ZDHHC6: variants seen among roughly 807,000 people sequenced by gnomAD.
ZDHHC6 encodes the protein palmitoyltransferase ZDHHC6.
ZDHHC6 carries 32 observed loss-of-function variants against 57.8 expected under a neutral mutation model. That is an observed-to-expected ratio of 0.55 (90% CI 0.42 to 0.74). ZDHHC6 has a LOEUF of 0.74. ZDHHC6 is among the 30% of genes least tolerant of loss of function. The probability of loss-of-function intolerance (pLI) is 0.00; values close to 1 mark genes in which losing one functional copy is unlikely to be tolerated. For synonymous variants in ZDHHC6, 128 were observed against 158.0 expected (o/e 0.81, Z 1.42); for missense variants, 433 against 500.7 (o/e 0.86, Z 1.29).
At chr10:112,443,823 C>T (rs950454569) in intron 2 of ZDHHC6, among the ~76,000 whole-genome samples, 1 of 152,128 alleles carries the variant, frequency 6.6e-6, no homozygotes, top group Non-Finnish European at 1.5e-5. Flanking sequence ...AATTTTTCTT[C>T]CTTGTGCTCC....
At chr10:112,430,978 C>A in intron 10 of ZDHHC6, 71 bp from the exon 11 acceptor site, 1 of 1,233,412 alleles carries the variant, frequency 8.1e-7, no homozygotes, top group Non-Finnish European at 1.2e-6. Flanking sequence ...AGCAGTAAGT[C>A]CTATTACTTC....
At chr10:112,447,511 G>C, upstream of ZDHHC6, 1 of 1,599,772 alleles carries the variant, frequency 6.3e-7, no homozygotes, top group East Asian at 2.3e-5. Flanking sequence ...GGGAGAGCTG[G>C]GAGGGTGCGG....
At chr10:112,434,225 CTT>C (rs1344622069) in intron 7 of ZDHHC6, 70 bp downstream of exon 7, 2 of 1,411,392 alleles carry the variant, frequency 1.4e-6, no homozygotes, top group Admixed American at 2.4e-5. Flanking sequence ...CAAAATGTCA[CTT>C]GAGTTGAGGG....
intron 10 of ZDHHC6, among the ~76,000 whole-genome samples, 177 bp from the exon 11 acceptor site, chr10:112,431,084 A>T (rs1435984064): frequency 2.0e-5 from 3 of 152,214 alleles, no homozygotes; most frequent in African/African-American, 4.8e-5. Flanking sequence ...TTAAATGTTC[A>T]TAACAAGCTA....
chr10:112,436,471 G>A (rs914432576), intron 6 of ZDHHC6, among the ~76,000 whole-genome samples: 6 of 152,154 alleles, frequency 3.9e-5, no homozygotes, highest in African/African-American at 9.7e-5. Flanking sequence ...GCGAGACTCC[G>A]TCGCCAGAAA....
At chr10:112,441,332 TGCTATTCTACATC>T (rs1463133445) in intron 4 of ZDHHC6, among the ~76,000 whole-genome samples, 7 of 152,216 alleles carry the variant, frequency 4.6e-5, no homozygotes, top group Non-Finnish European at 8.8e-5. Context: ...TCTCTTCTCT[TGCTATTCTACATC>T]GCAGTATTCT....
intron 6 of ZDHHC6, among the ~76,000 whole-genome samples, chr10:112,437,665 ATTC>A (rs1300432044): frequency 6.6e-6 from 1 of 152,190 alleles, no homozygotes; most frequent in African/African-American, 2.4e-5. Context: ...AAACGATGCT[ATTC>A]TTCTCCCTAT....
chr10:112,445,668 G>T lies in ZDHHC6; in HGVS notation c.-214-18C>A. The T allele has an allele frequency of 5.6e-6, 3 of 540,422 alleles. No individual in the cohort carries two copies. The highest frequency in any genetic ancestry group is 9.7e-6 in the Non-Finnish European group (3 of 309,604). 33.5% of individuals were successfully genotyped at this position (540,422 alleles called of 1,614,324 possible). A position where few individuals can be genotyped will look rare whatever the true frequency, so the allele number is the denominator to read the frequency against. ...AACCCAACCTAAAGAAAACAAAATGGGAAAGTTCAGTTAAAACAAAACAAA... is the reference window on the plus strand; with the variant it reads ...AACCCAACCTAAAGAAAACAAAATGTGAAAGTTCAGTTAAAACAAAACAAA... On this transcript the variant is annotated intron_variant, in intron 1 of 10. Transcript: ENST00000369405.
downstream of ZDHHC6, chr10:112,426,413 G>A: frequency 1.4e-6 from 2 of 1,470,382 alleles, no homozygotes; most frequent in African/African-American, 1.4e-5. Context: ...TCGTGGAGGA[G>A]AGGATGCCTC....
upstream of ZDHHC6, chr10:112,447,321 A>G: frequency 6.3e-7 from 1 of 1,575,990 alleles, no homozygotes; most frequent in Middle Eastern, 2.0e-4. Flanking sequence ...CTGCCCCTCG[A>G]GGCCCTTTCC....
At chr10:112,432,546 C>T (rs1411334131) in intron 8 of ZDHHC6, 25 bp from the exon 9 acceptor site, 1 of 1,597,492 alleles carries the variant, frequency 6.3e-7, no homozygotes, top group East Asian at 2.2e-5. Flanking sequence ...CAGAAGAAAC[C>T]TTTAAATATT....
rs771933671 is a variant in ZDHHC6, at chr10:112,434,259, A to G, written c.903+38T>C. Reference sequence around the variant, plus strand: ...AGGGGGAGTTAAGGGAAAGAAGGCGAGGCAAAAAGGAAGGGCTATTTGAAC... The same window carrying G: ...AGGGGGAGTTAAGGGAAAGAAGGCGGGGCAAAAAGGAAGGGCTATTTGAAC... On this transcript the variant is annotated intron_variant, in intron 7 of 10. Transcript: ENST00000369405. 2.7e-6 allele frequency: 4 copies of G among 1,500,264 alleles called. No homozygotes were observed. The South Asian group carries it at 5.6e-5, about 21-fold the overall frequency. The allele number at this position is 1,500,264 out of a possible 1,614,324, so 92.9% of individuals were successfully genotyped here.
chr10:112,432,361 C>T lies in ZDHHC6; in HGVS notation c.1091+15G>A. 6.2e-7 allele frequency: 1 copy of T among 1,611,384 alleles called. No individual in the cohort carries two copies. Among genetic ancestry groups the T allele is most frequent in the Non-Finnish European group, 8.5e-7 (1 of 1,179,344 alleles). ...TTGTCCTTGAAGAAGAAATGCAGTA[C>T]TTCCTATTACTTACCGTAAACCTCT... On this transcript the variant is annotated intron_variant, in intron 9 of 10. Transcript: ENST00000369405.
rs958208404 is a variant in ZDHHC6, at chr10:112,440,236, G to A, written c.681+298C>T. ...GAAAACAGTAAGACTCCTCTATTGGGGTGGATGTGAAGAGCAAGAGAGACT... is the reference window on the plus strand; with the variant it reads ...GAAAACAGTAAGACTCCTCTATTGGAGTGGATGTGAAGAGCAAGAGAGACT... On this transcript the variant is annotated intron_variant, in intron 5 of 10. Coordinates refer to ENST00000369405, the MANE Select transcript of ZDHHC6 (RefSeq NM_022494.3). Among the ~76,000 whole-genome samples, 9 of 152,124 alleles carry A rather than the reference G, an allele frequency of 5.9e-5. 1 individual carries two copies. The highest frequency in any genetic ancestry group is 2.2e-4 in the African/African-American group (9 of 41,424).
At chr10:112,441,247 G>C (rs956483420) in intron 4 of ZDHHC6, among the ~76,000 whole-genome samples, 4 of 152,198 alleles carry the variant, frequency 2.6e-5, no homozygotes, top group African/African-American at 9.7e-5. Flanking sequence ...TCCTCAGAAA[G>C]TGTCAAGGAG....
intron 10 of ZDHHC6, among the ~76,000 whole-genome samples, chr10:112,431,168 CA>C (rs1844988455): frequency 6.6e-6 from 1 of 152,156 alleles, no homozygotes; most frequent in Non-Finnish European, 1.5e-5. Flanking sequence ...TAACTAGAGT[CA>C]GGGGGAACTC....
intron 6 of ZDHHC6, among the ~76,000 whole-genome samples, chr10:112,435,116 T>C (rs1404851210): frequency 1.3e-5 from 2 of 152,238 alleles, no homozygotes; most frequent in Non-Finnish European, 2.9e-5. Flanking sequence ...GTACATGTTA[T>C]GCATGTACAT....
At chr10:112,444,532 C>T (rs1025641468) in intron 2 of ZDHHC6, among the ~76,000 whole-genome samples, 1 of 152,124 alleles carries the variant, frequency 6.6e-6, no homozygotes, top group East Asian at 1.9e-4. Flanking sequence ...CAGTGCTTCC[C>T]GAACTTTAAT....
exon 12 of ZDHHC6, chr10:112,424,684 T>C (rs1844602441): frequency 6.6e-6 from 1 of 152,166 alleles, no homozygotes; most frequent in South Asian, 2.1e-4. Flanking sequence ...CTACTTAGGG[T>C]GTTAGCATGT....
Sources: allele counts gnomAD v4.1 joint callset (sites outside exome capture counted in the v4.1 genomes callset), GRCh38; gene constraint gnomAD v4.1.1; transcripts MANE v1.5; gene names NCBI Gene and HGNC (gene_info 2026-07-23, HGNC 2026-07-21).